ARL14EP: variants seen among roughly 807,000 people sequenced by gnomAD.
ARL14EP encodes ARL14 effector protein.
ARL14EP carries 12 observed loss-of-function variants against 23.1 expected under a neutral mutation model. The ratio of observed to expected loss-of-function variants is 0.52; its 90% CI spans 0.33 to 0.84. The LOEUF is 0.84. Among genes scored for constraint, ARL14EP ranks in the 40% least tolerant of loss-of-function variants. ARL14EP has a pLI of 0.02. For missense variants in ARL14EP, 253 were observed against 307.3 expected (o/e 0.82, Z 1.32); for synonymous variants, 97 against 102.0 (o/e 0.95, Z 0.29).
At chr11:30,328,874 T>C (rs1251319482) in intron 1 of ARL14EP, 4 of 152,120 alleles carry the variant, frequency 2.6e-5, no homozygotes, top group Admixed American at 6.5e-5. Flanking sequence ...ACCACTCAGA[T>C]TTCAGTGGTT....
At chr11:30,326,455 G>GA (rs1565007351) in intron 1 of ARL14EP, among the ~76,000 whole-genome samples, 2 of 152,196 alleles carry the variant, frequency 1.3e-5, no homozygotes, top group African/African-American at 2.4e-5. Flanking sequence ...GGAACAATAT[G>GA]AACTTGCTGG....
chr11:30,331,792 A>G, intron 2 of ARL14EP: 2 of 1,002,646 alleles, frequency 2.0e-6, no homozygotes, highest in Non-Finnish European at 2.4e-6. Flanking sequence ...TAAAAGGAAC[A>G]TTAGAGAGGT....
chr11:30,331,276 G>A lies in ARL14EP; in HGVS notation c.328G>A (p.Val110Ile), dbSNP rs372940178. ...FLSAKFGRQL[V>I]PGWKLCPKCT... is the part of the protein sequence containing the mutation. ...GAGTGCTAAATTTGGAAGACAGCTT[G>A]TACCTGGTTGGAAGCTTTGTCCAAA... The change falls in exon 2 of 4, where the codon GTA (valine) becomes ATA (isoleucine). Residue 110 changes from valine to isoleucine, a missense_variant. Val to Ile is a conservative substitution (Grantham distance 29). Transcript: ENST00000282032. 1 of 1,613,982 alleles carries A rather than the reference G, an allele frequency of 6.2e-7. No individual in the cohort carries two copies. The highest frequency in any genetic ancestry group is 1.7e-5 in the Admixed American group (1 of 60,022).
chr11:30,334,680 G>A (rs910842313), intron 3 of ARL14EP, among the ~76,000 whole-genome samples: 1 of 152,084 alleles, frequency 6.6e-6, no homozygotes, highest in African/African-American at 2.4e-5. Context: ...GAAATCCTAG[G>A]GTCCTAATGA....
At chr11:30,326,886 T>A (rs957688155) in intron 1 of ARL14EP, among the ~76,000 whole-genome samples, 2 of 152,244 alleles carry the variant, frequency 1.3e-5, no homozygotes, top group African/African-American at 2.4e-5. Flanking sequence ...AATTTTAATC[T>A]GTGTAAAATT....
intron 3 of ARL14EP, 127 bp downstream of exon 3, chr11:30,333,120 A>T (rs1947298501): frequency 2.3e-6 from 3 of 1,282,138 alleles, no homozygotes; most frequent in Admixed American, 4.4e-5. Context: ...AATTAGTAAA[A>T]ACCTATGAAG....
chr11:30,335,415 A>G (rs1327995291), intron 3 of ARL14EP, among the ~76,000 whole-genome samples: 1 of 152,214 alleles, frequency 6.6e-6, no homozygotes, highest in African/African-American at 2.4e-5. Flanking sequence ...TGAACATTCT[A>G]CTGTAGGTAA....
chr11:30,336,955 T>A lies in ARL14EP; in HGVS notation c.*160T>A. The A allele has an allele frequency of 1.4e-6, 1 of 706,442 alleles. No homozygotes were observed. The highest frequency in any genetic ancestry group is 1.8e-5 in the African/African-American group (1 of 56,014). The allele number at this position is 706,442 out of a possible 1,614,324, so 43.8% of individuals were successfully genotyped here. ...GGGTGCTTTAAGATTCACTATTTGA[T>A]ATAAATTCAGATAGGCTATTTTTCA... On this transcript the variant is annotated 3_prime_UTR_variant, in exon 4 of 4. Coordinates refer to ENST00000282032, the MANE Select transcript of ARL14EP (RefSeq NM_152316.3).
rs36111177 is a variant in ARL14EP, at chr11:30,334,208, C to CTTTTTTTTTTTTTTTTTTTTTT, written c.554+1219_554+1240dup. 9.4e-4 allele frequency among the ~76,000 whole-genome samples: 81 copies of CTTTTTTTTTTTTTTTTTTTTTT among 86,028 alleles called. 6 individuals carry two copies. Among genetic ancestry groups the CTTTTTTTTTTTTTTTTTTTTTT allele is most frequent in the East Asian group, 7.3e-3 (10 of 1,362 alleles). The allele number at this position is 86,028 out of a possible 152,430, so 56.4% of individuals were successfully genotyped here. A position where few individuals can be genotyped will look rare whatever the true frequency, so the allele number is the denominator to read the frequency against. On this transcript the variant is annotated intron_variant, in intron 3 of 3. Coordinates refer to ENST00000282032, the MANE Select transcript of ARL14EP (RefSeq NM_152316.3). ...CAGATTTTCAATGTAGACCAGCCTT[C>CTTTTTTTTTTTTTTTTTTTTTT]TTTTTTTTTTTTTTTTTTTTTTTTT... is the stretch of plus-strand genomic sequence containing the variant.
At chr11:30,325,872 TACAG>T (rs1018877301) in intron 1 of ARL14EP, among the ~76,000 whole-genome samples, 3 of 152,190 alleles carry the variant, frequency 2.0e-5, no homozygotes, top group African/African-American at 7.2e-5. Flanking sequence ...TTTACAAGAA[TACAG>T]ACAATTATTT....
At position 30,333,537 on chromosome 11, in the gene ARL14EP, A is replaced by G. The variant is rs149674232; in HGVS notation, c.554+544A>G. ...TTATAATTATTTTGAGTCACTAGGAACCACACTAATGCAAGGTGGTGAACT... is the reference window on the plus strand; with the variant it reads ...TTATAATTATTTTGAGTCACTAGGAGCCACACTAATGCAAGGTGGTGAACT... On this transcript the variant is annotated intron_variant, in intron 3 of 3. Transcript: ENST00000282032. Among the ~76,000 whole-genome samples the G allele has an allele frequency of 7.4e-4, 113 of 152,240 alleles. 2 individuals are homozygous for G. In the East Asian group the frequency reaches 0.02, roughly 27 times the overall value.
chr11:30,327,844 C>G (rs1304969658), intron 1 of ARL14EP, among the ~76,000 whole-genome samples: 6 of 148,694 alleles, frequency 4.0e-5, no homozygotes, highest in Non-Finnish European at 5.9e-5. Context: ...GGCGTGGTGG[C>G]GGGCACCTGT....
chr11:30,323,423 G>A (rs1285863435), intron 1 of ARL14EP, among the ~76,000 whole-genome samples: 1 of 152,214 alleles, frequency 6.6e-6, no homozygotes. Context: ...CCCAGCACAG[G>A]TTCTGCCGCC....
Position 30,329,265 on chromosome 11 carries a change from T to C in ARL14EP, c.-63-1621T>C, listed in dbSNP as rs572760695. The C allele has an allele frequency of 1.3e-4, 20 of 152,304 alleles. No individual in the cohort carries two copies. In the East Asian group the frequency reaches 3.9e-3, roughly 29 times the overall value. The allele number at this position is 152,304 out of a possible 1,614,324, so 9.4% of individuals were successfully genotyped here. ...ACTTAAGATTGTCTTTGAGATTTATTCATGTTGATTCACGTAATTCATGTA... is the reference window on the plus strand; with the variant it reads ...ACTTAAGATTGTCTTTGAGATTTATCCATGTTGATTCACGTAATTCATGTA... On this transcript the variant is annotated intron_variant, in intron 1 of 3. Transcript: ENST00000282032.
At chr11:30,326,510 C>T (rs1366455565) in intron 1 of ARL14EP, among the ~76,000 whole-genome samples, 2 of 152,164 alleles carry the variant, frequency 1.3e-5, no homozygotes, top group Non-Finnish European at 2.9e-5. Context: ...GGCCACATTG[C>T]CAGAACACAG....
chr11:30,332,799 TAAATA>T, intron 2 of ARL14EP, 62 bp from the exon 3 acceptor site: 1 of 1,579,368 alleles, frequency 6.3e-7, no homozygotes, highest in Non-Finnish European at 8.7e-7. Context: ...GGTTTAACAT[TAAATA>T]AAATGTTAAT....
intron 3 of ARL14EP, among the ~76,000 whole-genome samples, chr11:30,333,508 A>G (rs1241539136): frequency 6.6e-6 from 1 of 152,090 alleles, no homozygotes; most frequent in East Asian, 1.9e-4. Context: ...CTTTGATGTT[A>G]CTATTATAAT....
chr11:30,325,068 G>C (rs1947226919), intron 1 of ARL14EP, among the ~76,000 whole-genome samples: 2 of 152,138 alleles, frequency 1.3e-5, no homozygotes, highest in Admixed American at 1.3e-4. Flanking sequence ...AGGAGAAAAG[G>C]GACTTTTGCA....
In ARL14EP at chr11:30,323,372, C is replaced by A. The variant is rs115560263; in HGVS notation, c.-64+170C>A. Among the ~76,000 whole-genome samples the A allele has an allele frequency of 8.1e-3, 1,233 of 152,238 alleles. 21 individuals are homozygous for A. The highest frequency in any genetic ancestry group is 0.029 in the African/African-American group (1,202 of 41,558). Reference sequence around the variant, plus strand: ...GCTGGCCGGGGCCTCTCACCCCTACCCCCGCGTAGTTCATCTGCGACGCAA... The same window carrying A: ...GCTGGCCGGGGCCTCTCACCCCTACACCCGCGTAGTTCATCTGCGACGCAA... On this transcript the variant is annotated intron_variant, in intron 1 of 3. Coordinates refer to ENST00000282032, the MANE Select transcript of ARL14EP (RefSeq NM_152316.3).
Sources: allele counts gnomAD v4.1 joint callset (sites outside exome capture counted in the v4.1 genomes callset), GRCh38; gene constraint gnomAD v4.1.1; transcripts MANE v1.5; gene names NCBI Gene and HGNC (gene_info 2026-07-23, HGNC 2026-07-21).